MIOS: variants seen among roughly 807,000 people sequenced by gnomAD.
MIOS encodes the protein GATOR2 complex protein MIOS.
MIOS carries 52 observed loss-of-function variants against 96.9 expected under a neutral mutation model. That is an observed-to-expected ratio of 0.54 (90% confidence interval 0.43 to 0.68). MIOS has a LOEUF of 0.68. MIOS is among the 30% of genes least tolerant of loss of function. MIOS has a pLI of 0.00. For missense variants in MIOS, 1,005 were observed against 1,052.8 expected (o/e 0.95, Z 0.63); for synonymous variants, 397 against 359.5 (o/e 1.10, Z -1.18).
At chr7:7,578,390 A>G (rs1346101420) in intron 5 of MIOS, among the ~76,000 whole-genome samples, 1 of 152,226 alleles carries the variant, frequency 6.6e-6, no homozygotes, top group East Asian at 1.9e-4. Context: ...TCATGCTTAA[A>G]GAGTAAACTC....
intron 9 of MIOS, among the ~76,000 whole-genome samples, chr7:7,591,758 T>G (rs1784054263): frequency 6.6e-6 from 1 of 152,212 alleles, no homozygotes; most frequent in Non-Finnish European, 1.5e-5. Flanking sequence ...TTATCCTGTT[T>G]GTGGTTCACT....
In MIOS at chr7:7,589,492, G is replaced by A; in HGVS notation, c.1972G>A (p.Gly658Arg). 6.2e-7 allele frequency: 1 copy of A among 1,613,714 alleles called. No individual in the cohort carries two copies. Among genetic ancestry groups the A allele is most frequent in the Non-Finnish European group, 8.5e-7 (1 of 1,179,756 alleles). ...GILLTGLTKD[G>R]VDLMESYVDR... ...TTTGCTTACAGGCCTTACTAAAGAT[G>A]GAGTGGACTTAATGGAGAGTTATGT... Residue 658 changes from glycine (G) to arginine (R), a missense_variant, in exon 9 of 13, where the codon GGA becomes AGA. Physicochemically the swap from Gly to Arg is moderately radical, Grantham distance 125. Transcript: ENST00000340080.
chr7:7,602,942 C>A (rs1202886074), intron 11 of MIOS, among the ~76,000 whole-genome samples: 3 of 152,086 alleles, frequency 2.0e-5, no homozygotes, highest in Non-Finnish European at 4.4e-5. Flanking sequence ...TGATCTTTGA[C>A]AAACCTGAGA....
chr7:7,588,605 T>A (rs1237512222), intron 8 of MIOS, 42 bp downstream of exon 8: 3 of 1,292,820 alleles, frequency 2.3e-6, no homozygotes, highest in Admixed American at 2.0e-5. Context: ...AATTAATATG[T>A]ACTGTCACAA....
chr7:7,586,745 C>G (rs1783898204), intron 7 of MIOS, among the ~76,000 whole-genome samples: 1 of 151,448 alleles, frequency 6.6e-6, no homozygotes, highest in African/African-American at 2.4e-5. Context: ...CTGACCAATT[C>G]AAATTAATAC....
intron 5 of MIOS, among the ~76,000 whole-genome samples, chr7:7,579,320 G>A (rs1028035007): frequency 6.6e-6 from 1 of 152,140 alleles, no homozygotes; most frequent in Non-Finnish European, 1.5e-5. Context: ...CAATAACCAT[G>A]TTCTTAACAT....
At chr7:7,578,449 C>T (rs1367414286) in intron 5 of MIOS, among the ~76,000 whole-genome samples, 3 of 152,016 alleles carry the variant, frequency 2.0e-5, no homozygotes, top group Non-Finnish European at 4.4e-5. Flanking sequence ...CGCTTGGGCC[C>T]GGGAGTTTGA....
chr7:7,584,738 A>G (rs1267123519), intron 6 of MIOS, among the ~76,000 whole-genome samples: 1 of 152,190 alleles, frequency 6.6e-6, no homozygotes, highest in African/African-American at 2.4e-5. Context: ...TTATATAATA[A>G]GTGTAGAAAA....
chr7:7,577,261 C>T (rs1266307816), intron 5 of MIOS, among the ~76,000 whole-genome samples: 1 of 152,138 alleles, frequency 6.6e-6, no homozygotes, highest in African/African-American at 2.4e-5. Flanking sequence ...TCCGGTGCTC[C>T]ATGCTTCAGA....
intron 3 of MIOS, 90 bp downstream of exon 3, chr7:7,568,213 T>G (rs1379090945): frequency 2.6e-5 from 4 of 152,228 alleles, no homozygotes; most frequent in African/African-American, 9.6e-5. Context: ...GAAAAAACAT[T>G]AACTTTCAGG....
At chr7:7,603,970 C>A (rs1306261923) in intron 11 of MIOS, among the ~76,000 whole-genome samples, 1 of 151,792 alleles carries the variant, frequency 6.6e-6, no homozygotes, top group Admixed American at 6.6e-5. Context: ...GGACAAAAAT[C>A]CAAACACCGC....
At chr7:7,590,538 A>G (rs1226348067) in intron 9 of MIOS, among the ~76,000 whole-genome samples, 1 of 152,202 alleles carries the variant, frequency 6.6e-6, no homozygotes, top group Non-Finnish European at 1.5e-5. Context: ...GCTGCCTTTA[A>G]TTGGAGTGTT....
chr7:7,573,332 T>C lies in MIOS; in HGVS notation c.857T>C (p.Leu286Ser). The C allele has an allele frequency of 1.2e-6, 2 of 1,614,088 alleles. No individual in the cohort carries two copies. The highest frequency in any genetic ancestry group is 1.7e-5 in the Admixed American group (1 of 60,024). ...CPTRTGLLAT[L>S]TRDSNIIRLY... ...ACTAGGACTGGTCTACTTGCCACTT[T>C]AACAAGGGATAGTAATATTATTAGA... The change falls in exon 4 of 13, where the codon TTA becomes TCA. Residue 286 changes from leucine to serine, a missense_variant. Physicochemically the swap from Leu to Ser is moderately radical, Grantham distance 145. Coordinates refer to ENST00000340080, the MANE Select transcript of MIOS (RefSeq NM_019005.4). The surrounding 1 kb of genome is among the most constrained non-coding windows in gnomAD (Gnocchi z 5.0).
At chr7:7,592,229 T>G (rs1784070582) in intron 9 of MIOS, among the ~76,000 whole-genome samples, 1 of 152,240 alleles carries the variant, frequency 6.6e-6, no homozygotes, top group South Asian at 2.1e-4. Flanking sequence ...CCTCAAGTGA[T>G]CTGCCCGCCT....
At chr7:7,601,409 A>C (rs971509509) in intron 11 of MIOS, among the ~76,000 whole-genome samples, 3 of 152,232 alleles carry the variant, frequency 2.0e-5, no homozygotes, top group African/African-American at 4.8e-5. Context: ...GATCCCACAG[A>C]AATACAAACT....
chr7:7,584,808 T>G (rs193208184), intron 6 of MIOS, among the ~76,000 whole-genome samples: 1 of 152,290 alleles, frequency 6.6e-6, no homozygotes, highest in East Asian at 1.9e-4. Context: ...GAACTTCGGT[T>G]AGAAGACTAG....
intron 11 of MIOS, among the ~76,000 whole-genome samples, chr7:7,604,049 C>T (rs1407641946): frequency 7.0e-6 from 1 of 142,920 alleles, no homozygotes; most frequent in Non-Finnish European, 1.5e-5. Context: ...GAACATTACA[C>T]ATCGGGGACT....
At chr7:7,606,938 A>T in intron 12 of MIOS, 58 bp from the exon 13 acceptor site, 1 of 1,280,192 alleles carries the variant, frequency 7.8e-7, no homozygotes, top group Non-Finnish European at 1.1e-6. Flanking sequence ...TAAATAAATA[A>T]ATAAATGTAT....
intron 1 of MIOS, 56 bp downstream of exon 1, chr7:7,567,128 C>A (rs938574386): frequency 6.6e-6 from 1 of 152,070 alleles, no homozygotes. Context: ...GCGGCCGCAG[C>A]GAGGGGCCGG....
Sources: allele counts gnomAD v4.1 joint callset (sites outside exome capture counted in the v4.1 genomes callset), GRCh38; gene constraint gnomAD v4.1.1; non-coding constraint Gnocchi (gnomAD v3.1); transcripts MANE v1.5; gene names NCBI Gene and HGNC (gene_info 2026-07-23, HGNC 2026-07-21).